HEMK2: variants seen among roughly 807,000 people sequenced by gnomAD.
HEMK2 encodes methyltransferase HEMK2.
chr21:28,720,523 A>G, the HEMK2 span, among the ~76,000 whole-genome samples: 18 of 152,212 alleles, frequency 1.2e-4, no homozygotes, highest in Non-Finnish European at 1.6e-4. Context: ...ACCTGAGGTC[A>G]GGAGTTTGAG....
chr21:28,620,660 C>CTTTGTTTTTTTTTTTTTTTTTTTTTTTT, the HEMK2 span, among the ~76,000 whole-genome samples: 1 of 49,642 alleles, frequency 2.0e-5, no homozygotes, highest in Non-Finnish European at 3.3e-5. Context: ...TCTCTCTTTT[C>CTTTGTTTTTTTTTTTTTTTTTTTTTTTT]TTTTTTTTTT....
At chr21:28,677,687 T>G in the HEMK2 span, among the ~76,000 whole-genome samples, 8 of 152,174 alleles carry the variant, frequency 5.3e-5, no homozygotes, top group African/African-American at 1.9e-4. Flanking sequence ...TGGGTATTCC[T>G]CTGAGACAAA....
the HEMK2 span, among the ~76,000 whole-genome samples, chr21:28,839,756 T>C: frequency 2.6e-5 from 4 of 152,212 alleles, no homozygotes; most frequent in Admixed American, 2.6e-4. Context: ...TGCTCATGGA[T>C]AGGCAGAATC....
the HEMK2 span, among the ~76,000 whole-genome samples, chr21:28,855,971 C>T: frequency 3.3e-5 from 5 of 151,842 alleles, no homozygotes; most frequent in South Asian, 2.1e-4. Context: ...GAAACAAGAC[C>T]GAACCAAACT....
chr21:28,863,720 T>A, the HEMK2 span, among the ~76,000 whole-genome samples: 1 of 152,060 alleles, frequency 6.6e-6, no homozygotes, highest in South Asian at 2.1e-4. Flanking sequence ...AGAGACTGTC[T>A]GTCATTTCTC....
At chr21:28,716,388 T>G in the HEMK2 span, among the ~76,000 whole-genome samples, 3 of 152,194 alleles carry the variant, frequency 2.0e-5, no homozygotes, top group Non-Finnish European at 4.4e-5. Flanking sequence ...TGGGTTTTTT[T>G]GTGGCTATTG....
the HEMK2 span, among the ~76,000 whole-genome samples, chr21:28,714,314 C>T: frequency 5.9e-5 from 9 of 152,078 alleles, no homozygotes; most frequent in African/African-American, 2.2e-4. Flanking sequence ...CTACTCTTTG[C>T]CTCTGTTCTC....
chr21:28,775,890 G>C, the HEMK2 span, among the ~76,000 whole-genome samples: 3 of 151,926 alleles, frequency 2.0e-5, no homozygotes, highest in Admixed American at 2.0e-4. Flanking sequence ...AGTAAATGGA[G>C]GATTTTATTA....
At chr21:28,678,767 A>G in the HEMK2 span, among the ~76,000 whole-genome samples, 1 of 152,240 alleles carries the variant, frequency 6.6e-6, no homozygotes, top group African/African-American at 2.4e-5. Context: ...AGAATTTTCA[A>G]CCCAGAATTT....
chr21:28,678,166 T>C, the HEMK2 span, among the ~76,000 whole-genome samples: 1 of 152,096 alleles, frequency 6.6e-6, no homozygotes, highest in Non-Finnish European at 1.5e-5. Context: ...GACAAATGGC[T>C]AACTAGAATA....
At chr21:28,582,917 T>C in the HEMK2 span, among the ~76,000 whole-genome samples, 1 of 152,204 alleles carries the variant, frequency 6.6e-6, no homozygotes. Context: ...TAGTTGATAA[T>C]ATCAAGACAG....
chr21:28,860,651 T>A, the HEMK2 span, among the ~76,000 whole-genome samples: 1 of 151,390 alleles, frequency 6.6e-6, no homozygotes, highest in Non-Finnish European at 1.5e-5. Flanking sequence ...GACAGTCTTA[T>A]CTACTGTCGA....
the HEMK2 span, among the ~76,000 whole-genome samples, chr21:28,581,981 C>T: frequency 2.0e-5 from 3 of 152,172 alleles, no homozygotes; most frequent in Non-Finnish European, 4.4e-5. Flanking sequence ...AGACTAGAGA[C>T]AGTATTTACA....
At chr21:28,830,007 T>C in the HEMK2 span, among the ~76,000 whole-genome samples, 2 of 152,172 alleles carry the variant, frequency 1.3e-5, no homozygotes, top group African/African-American at 4.8e-5. Flanking sequence ...GGGTGGGCTC[T>C]TCCTACACTA....
chr21:28,822,080 C>T, the HEMK2 span, among the ~76,000 whole-genome samples: 1 of 152,204 alleles, frequency 6.6e-6, no homozygotes, highest in Non-Finnish European at 1.5e-5. Flanking sequence ...TAGAATATTA[C>T]ATTCTCTGCT....
At chr21:28,852,659 T>C in the HEMK2 span, among the ~76,000 whole-genome samples, 1 of 152,170 alleles carries the variant, frequency 6.6e-6, no homozygotes, top group Non-Finnish European at 1.5e-5. Flanking sequence ...CTCTCCTTCA[T>C]TCAAGGGGTT....
At chr21:28,846,829 T>A in the HEMK2 span, among the ~76,000 whole-genome samples, 10 of 152,292 alleles carry the variant, frequency 6.6e-5, no homozygotes, top group African/African-American at 2.2e-4. Flanking sequence ...GTTGTTTCCA[T>A]CTTTGTGTCC....
the HEMK2 span, among the ~76,000 whole-genome samples, chr21:28,647,860 G>A: frequency 2.0e-5 from 3 of 152,228 alleles, no homozygotes; most frequent in African/African-American, 7.2e-5. Flanking sequence ...AGGCATTAGG[G>A]CAAGAACAAG....
chr21:28,818,873 A>C, the HEMK2 span, among the ~76,000 whole-genome samples: 5 of 152,336 alleles, frequency 3.3e-5, no homozygotes, highest in African/African-American at 1.2e-4. Context: ...AAAGAAAGAA[A>C]CTAGGATTTA....
Sources: allele counts gnomAD v4.1 joint callset (sites outside exome capture counted in the v4.1 genomes callset), GRCh38; gene constraint gnomAD v4.1.1; transcripts MANE v1.5; gene names NCBI Gene and HGNC (gene_info 2026-07-23, HGNC 2026-07-21).